The following ASIC2 variants were observed in gnomAD, a reference collection of about 807,000 sequenced individuals.
The protein encoded by ASIC2 is acid sensing ion channel subunit 2.
In ASIC2, 25 loss-of-function variants were observed where a neutral mutation model predicts 57.3. The ratio of observed to expected loss-of-function variants is 0.44; its 90% CI spans 0.32 to 0.61. The LOEUF is 0.61. Among genes scored for constraint, ASIC2 ranks in the 20% least tolerant of loss-of-function variants. ASIC2 has a pLI of 0.06. For missense variants in ASIC2, 641 were observed against 738.1 expected, an observed-to-expected ratio of 0.87 and a Z score of 1.52; for synonymous variants, 319 against 307.5, an observed-to-expected ratio of 1.04 and a Z score of -0.39.
At chr17:33,863,835 C>T (rs1176433508) in intron 1 of ASIC2, among the ~76,000 whole-genome samples, 2 of 152,050 alleles carry the variant, frequency 1.3e-5, no homozygotes, top group Non-Finnish European at 2.9e-5. Flanking sequence ...CAACAAAAAT[C>T]TAGCTATAAG....
chr17:33,076,591 T>C (rs969982676), intron 3 of ASIC2, among the ~76,000 whole-genome samples: 2 of 152,248 alleles, frequency 1.3e-5, no homozygotes, highest in Non-Finnish European at 2.9e-5. Flanking sequence ...CTCTAGACTT[T>C]TTCTGTGTGC....
At chr17:33,721,184 T>G (rs1018495011) in intron 1 of ASIC2, among the ~76,000 whole-genome samples, 14 of 152,202 alleles carry the variant, frequency 9.2e-5, no homozygotes, top group Admixed American at 2.6e-4. Context: ...AAATAACTTG[T>G]TGCACAGTCT....
intron 1 of ASIC2, chr17:34,155,705 A>C: frequency 2.3e-6 from 1 of 440,090 alleles, no homozygotes; most frequent in Non-Finnish European, 4.1e-6. Context: ...GACTGGGAGG[A>C]AGCCAACTGA....
chr17:33,185,376 T>G (rs1906150387), intron 1 of ASIC2, among the ~76,000 whole-genome samples: 1 of 152,142 alleles, frequency 6.6e-6, no homozygotes, highest in Admixed American at 6.5e-5. Context: ...ATGGAAAAAG[T>G]GACTTGGTGC....
intron 1 of ASIC2, among the ~76,000 whole-genome samples, chr17:33,158,909 G>A (rs562053855): frequency 6.6e-6 from 1 of 152,354 alleles, no homozygotes; most frequent in Non-Finnish European, 1.5e-5. Flanking sequence ...TGGAATTCAT[G>A]TGTTGCTGGA....
At chr17:33,222,291 C>T (rs12952044) in intron 1 of ASIC2, among the ~76,000 whole-genome samples, 2,908 of 152,190 alleles carry the variant, frequency 0.019, 86 homozygotes, top group African/African-American at 0.067. Flanking sequence ...ATGGATGAAC[C>T]TCTAAAACGT....
chr17:33,754,863 C>A (rs539498402), intron 1 of ASIC2, among the ~76,000 whole-genome samples: 9 of 143,710 alleles, frequency 6.3e-5, no homozygotes, highest in African/African-American at 2.1e-4. Context: ...GAGGCTGAGG[C>A]AGGAGAATGG....
intron 2 of ASIC2, among the ~76,000 whole-genome samples, chr17:33,106,527 C>A (rs1256606277): frequency 6.6e-6 from 1 of 152,190 alleles, no homozygotes; most frequent in East Asian, 1.9e-4. Context: ...TTTCCTCAGA[C>A]GTAACCCACC....
At chr17:33,232,604 C>T (rs900910696) in intron 1 of ASIC2, among the ~76,000 whole-genome samples, 1 of 152,194 alleles carries the variant, frequency 6.6e-6, no homozygotes, top group Non-Finnish European at 1.5e-5. Flanking sequence ...AAAATATTTT[C>T]ACTACAACTT....
At chr17:33,883,008 G>A (rs1914741085) in intron 1 of ASIC2, among the ~76,000 whole-genome samples, 1 of 151,990 alleles carries the variant, frequency 6.6e-6, no homozygotes, top group Non-Finnish European at 1.5e-5. Flanking sequence ...CTATTGCAAG[G>A]ACAAAAAATG....
At chr17:33,811,120 C>T (rs1157464677) in intron 1 of ASIC2, among the ~76,000 whole-genome samples, 1 of 152,186 alleles carries the variant, frequency 6.6e-6, no homozygotes, top group Non-Finnish European at 1.5e-5. Context: ...CAGTAGCTCA[C>T]ATAATGAGAT....
chr17:33,790,950 G>A (rs1020163118), intron 1 of ASIC2, among the ~76,000 whole-genome samples: 1 of 152,118 alleles, frequency 6.6e-6, no homozygotes, highest in Admixed American at 6.5e-5. Flanking sequence ...GAAAAAAACA[G>A]AGGCACAGAG....
intron 1 of ASIC2, among the ~76,000 whole-genome samples, chr17:33,797,520 G>A (rs1308393597): frequency 2.6e-5 from 4 of 152,142 alleles, no homozygotes; most frequent in Non-Finnish European, 5.9e-5. Flanking sequence ...CATTACTTTA[G>A]ATTTCAGTCT....
intron 1 of ASIC2, among the ~76,000 whole-genome samples, chr17:33,857,598 C>A (rs1913995592): frequency 6.6e-6 from 1 of 152,180 alleles, no homozygotes; most frequent in Admixed American, 6.5e-5. Context: ...GTCATTAAAT[C>A]CGAACTCTTA....
At chr17:33,366,259 G>A (rs764516332) in intron 1 of ASIC2, among the ~76,000 whole-genome samples, 1 of 152,350 alleles carries the variant, frequency 6.6e-6, no homozygotes, top group East Asian at 1.9e-4. Context: ...TTTTAAGCTA[G>A]TTTTATGGTT....
At chr17:33,324,600 T>G (rs761841160) in intron 1 of ASIC2, among the ~76,000 whole-genome samples, 2 of 152,200 alleles carry the variant, frequency 1.3e-5, no homozygotes, top group Non-Finnish European at 2.9e-5. Context: ...ACTGGGTGCC[T>G]GCTGCTTCCC....
chr17:33,568,195 C>G (rs1483142985), intron 1 of ASIC2, among the ~76,000 whole-genome samples: 1 of 152,156 alleles, frequency 6.6e-6, no homozygotes, highest in Non-Finnish European at 1.5e-5. Flanking sequence ...CTTGTGCTGG[C>G]AGGTGTTCCA....
At chr17:34,025,973 G>C (rs373322449) in intron 1 of ASIC2, among the ~76,000 whole-genome samples, 14 of 152,312 alleles carry the variant, frequency 9.2e-5, no homozygotes, top group African/African-American at 3.1e-4. Flanking sequence ...CACATCTCAG[G>C]CTCCTTTTTC....
chr17:33,345,457 G>C (rs1252328059), intron 1 of ASIC2, among the ~76,000 whole-genome samples: 1 of 152,138 alleles, frequency 6.6e-6, no homozygotes, highest in African/African-American at 2.4e-5. Flanking sequence ...CTTCTTGGAG[G>C]CTGGGCTCCC....
Sources: allele counts gnomAD v4.1 joint callset (sites outside exome capture counted in the v4.1 genomes callset), GRCh38; gene constraint gnomAD v4.1.1; transcripts MANE v1.5; gene names NCBI Gene and HGNC (gene_info 2026-07-23, HGNC 2026-07-21).